CPA6: variants seen among roughly 807,000 people sequenced by gnomAD.
The protein encoded by CPA6 is carboxypeptidase B.
A neutral mutation model predicts 63.3 loss-of-function variants in CPA6; 58 were observed. The observed-to-expected ratio is 0.92, with a 90% confidence interval of 0.74 to 1.14. CPA6 has a LOEUF of 1.14. Ranked by LOEUF, CPA6 falls within the 50% of genes most tolerant of loss-of-function variation. The probability of loss-of-function intolerance (pLI) is 0.00; values close to 1 mark genes in which losing one functional copy is unlikely to be tolerated. For synonymous variants in CPA6, 185 were observed against 179.0 expected (o/e 1.03, Z -0.27); for missense variants, 565 against 526.6 (o/e 1.07, Z -0.71).
chr8:67,607,003 AT>A (rs1814654190), intron 2 of CPA6, among the ~76,000 whole-genome samples: 1 of 151,560 alleles, frequency 6.6e-6, no homozygotes, highest in Non-Finnish European at 1.5e-5. Flanking sequence ...CTTCTGGTTT[AT>A]TTTCTCCTAG....
chr8:67,614,146 C>T (rs1375876136), intron 2 of CPA6, among the ~76,000 whole-genome samples: 2 of 152,192 alleles, frequency 1.3e-5, no homozygotes, highest in Admixed American at 1.3e-4. Flanking sequence ...CATTGAGCTG[C>T]AGATGGCAAA....
At chr8:67,726,197 G>GGGA (rs1817593593) in intron 1 of CPA6, among the ~76,000 whole-genome samples, 1 of 152,114 alleles carries the variant, frequency 6.6e-6, no homozygotes, top group Non-Finnish European at 1.5e-5. Context: ...TTACTGGTTA[G>GGGA]GGAGATAATG....
intron 1 of CPA6, among the ~76,000 whole-genome samples, chr8:67,630,110 A>AAATAAT (rs61666997): frequency 0.22 from 31,438 of 144,722 alleles, 3,805 homozygotes; most frequent in Middle Eastern, 0.34. Flanking sequence ...GTCTCAATTA[A>AAATAAT]AATAATAATA....
chr8:67,549,503 T>C (rs957544227), intron 2 of CPA6, among the ~76,000 whole-genome samples: 1 of 152,174 alleles, frequency 6.6e-6, no homozygotes. Context: ...TAACATAAAA[T>C]TTACCCTCTC....
intron 1 of CPA6, among the ~76,000 whole-genome samples, chr8:67,630,808 C>T (rs554697294): frequency 4.6e-5 from 7 of 152,332 alleles, no homozygotes; most frequent in African/African-American, 1.4e-4. Context: ...TCCGCGGCCC[C>T]GCACTTTGAT....
intron 1 of CPA6, among the ~76,000 whole-genome samples, chr8:67,633,923 G>A (rs1186942914): frequency 6.6e-6 from 1 of 151,412 alleles, no homozygotes; most frequent in African/African-American, 2.4e-5. Flanking sequence ...TCCATGTTTC[G>A]TTAAAATCAT....
intron 1 of CPA6, among the ~76,000 whole-genome samples, chr8:67,660,292 T>A (rs1172883192): frequency 6.6e-6 from 1 of 150,416 alleles, no homozygotes; most frequent in Non-Finnish European, 1.5e-5. Context: ...AATGTAGTAT[T>A]TGGCACATGG....
chr8:67,546,610 T>C (rs1198603824), intron 2 of CPA6, among the ~76,000 whole-genome samples: 1 of 152,184 alleles, frequency 6.6e-6, no homozygotes, highest in Admixed American at 6.5e-5. Context: ...GAAGAGCTTG[T>C]TAAACCACTG....
At chr8:67,593,635 T>C (rs1202465440) in intron 2 of CPA6, among the ~76,000 whole-genome samples, 1 of 152,242 alleles carries the variant, frequency 6.6e-6, no homozygotes, top group South Asian at 2.1e-4. Context: ...TTTACCATTA[T>C]GTAATGGCCT....
At chr8:67,560,160 G>GATATATATATATAT (rs6150633) in intron 2 of CPA6, among the ~76,000 whole-genome samples, 2,247 of 139,926 alleles carry the variant, frequency 0.016, 49 homozygotes, top group African/African-American at 0.029. Context: ...TGTATTTCCG[G>GATATATATATATAT]ATATATATAT....
intron 2 of CPA6, among the ~76,000 whole-genome samples, chr8:67,533,427 G>T (rs965695241): frequency 2.6e-5 from 4 of 152,136 alleles, no homozygotes; most frequent in African/African-American, 9.7e-5. Flanking sequence ...AGACTGATTG[G>T]CATGACTTTA....
At chr8:67,656,589 T>C (rs957971135) in intron 1 of CPA6, among the ~76,000 whole-genome samples, 1 of 152,204 alleles carries the variant, frequency 6.6e-6, no homozygotes, top group Non-Finnish European at 1.5e-5. Context: ...CTCAAGTTCA[T>C]GTCATCAATG....
intron 1 of CPA6, among the ~76,000 whole-genome samples, chr8:67,637,217 C>A (rs1815487703): frequency 6.6e-6 from 1 of 151,598 alleles, no homozygotes; most frequent in East Asian, 1.9e-4. Context: ...CTCACGGTAG[C>A]TCACATGTAA....
chr8:67,569,555 C>T (rs551702235), intron 2 of CPA6: 21 of 463,494 alleles, frequency 4.5e-5, no homozygotes, highest in Admixed American at 1.4e-4. Context: ...ACACAGGCAA[C>T]GACCACACAA....
intron 1 of CPA6, among the ~76,000 whole-genome samples, chr8:67,646,772 G>A (rs1815723079): frequency 6.6e-6 from 1 of 152,082 alleles, no homozygotes; most frequent in Non-Finnish European, 1.5e-5. Context: ...TGAGGGAAGA[G>A]GGCTCCAGGC....
intron 1 of CPA6, among the ~76,000 whole-genome samples, chr8:67,741,676 T>C (rs1817915943): frequency 6.6e-6 from 1 of 152,148 alleles, no homozygotes. Context: ...GCATGTTCCT[T>C]ATAAAAATCT....
chr8:67,666,970 A>G (rs1008632078), intron 1 of CPA6, among the ~76,000 whole-genome samples: 1 of 152,160 alleles, frequency 6.6e-6, no homozygotes, highest in Non-Finnish European at 1.5e-5. Context: ...ACATATCTGC[A>G]TTCCTTTTCC....
At chr8:67,515,872 T>C (rs1289766956) in intron 3 of CPA6, among the ~76,000 whole-genome samples, 1 of 152,186 alleles carries the variant, frequency 6.6e-6, no homozygotes, top group Non-Finnish European at 1.5e-5. Context: ...TCACATTTTG[T>C]CAGAACTTCT....
intron 1 of CPA6, among the ~76,000 whole-genome samples, chr8:67,700,279 C>G (rs1816997056): frequency 6.6e-6 from 1 of 152,198 alleles, no homozygotes; most frequent in Non-Finnish European, 1.5e-5. Context: ...GAATAGCACA[C>G]ATTCTTTCAG....
Sources: gnomAD v4.1 joint callset for allele counts (sites outside exome capture counted in the v4.1 genomes callset) on GRCh38, gnomAD v4.1.1 for gene constraint, MANE v1.5 for transcripts, NCBI Gene and HGNC (gene_info 2026-07-23, HGNC 2026-07-21) for gene names.